The following RSRC1 variants were observed in gnomAD, a reference collection of about 807,000 sequenced individuals.
RSRC1 encodes arginine and serine rich coiled-coil 1.
In RSRC1, 39 loss-of-function variants were observed where a neutral mutation model predicts 49.1. That is an observed-to-expected ratio of 0.79 (90% CI 0.61 to 1.04). RSRC1 has a LOEUF of 1.04. RSRC1 is among the 50% of genes least tolerant of loss of function. The probability of loss-of-function intolerance (pLI) is 0.00; values close to 1 mark genes in which losing one functional copy is unlikely to be tolerated. For synonymous variants in RSRC1, 143 were observed against 130.8 expected, an observed-to-expected ratio of 1.09 and a Z score of -0.63; for missense variants, 388 against 402.4, an observed-to-expected ratio of 0.96 and a Z score of 0.31.
At position 158,509,792 on chromosome 3, in the gene RSRC1, T is replaced by C. The variant is rs1017029080; in HGVS notation, c.653-27300T>C. Among the ~76,000 whole-genome samples, 3 of 152,322 alleles carry C rather than the reference T, an allele frequency of 2.0e-5. No individual in the cohort carries two copies. In the South Asian group the frequency reaches 6.2e-4, roughly 32 times the overall value. ...TGTAGTTTATTCATTTTCACTGTTG[T>C]ATAATATTCTATTTTTAGACTGTAC... On this transcript the variant is annotated intron_variant, in intron 7 of 9. Transcript: ENST00000611884.
At chr3:158,485,632 A>G (rs942650032) in intron 7 of RSRC1, among the ~76,000 whole-genome samples, 2 of 152,222 alleles carry the variant, frequency 1.3e-5, no homozygotes, top group East Asian at 1.9e-4. Flanking sequence ...TTTTTCCTAC[A>G]TATGACACTG....
At chr3:158,222,846 C>T (rs1237059990) in intron 4 of RSRC1, among the ~76,000 whole-genome samples, 2 of 151,640 alleles carry the variant, frequency 1.3e-5, no homozygotes, top group African/African-American at 2.4e-5. Context: ...GTTCCTTCCT[C>T]TCCTGGATAA....
intron 6 of RSRC1, among the ~76,000 whole-genome samples, chr3:158,424,009 C>T (rs1029610043): frequency 2.7e-5 from 4 of 150,868 alleles, no homozygotes; most frequent in African/African-American, 9.8e-5. Context: ...ACAATCATGT[C>T]GTCTGCAAAC....
chr3:158,139,449 G>T (rs1011960400), intron 3 of RSRC1, among the ~76,000 whole-genome samples: 36 of 152,036 alleles, frequency 2.4e-4, no homozygotes, highest in Non-Finnish European at 1.0e-4. Context: ...TATCTTGTGG[G>T]TGCTGCAAGC....
chr3:158,249,257 C>G (rs1296956985), intron 4 of RSRC1, among the ~76,000 whole-genome samples: 2 of 152,140 alleles, frequency 1.3e-5, no homozygotes, highest in African/African-American at 4.8e-5. Context: ...CTCCATCACT[C>G]CTTTGTAATC....
chr3:158,154,585 C>T (rs1717747984), intron 3 of RSRC1, among the ~76,000 whole-genome samples: 2 of 151,842 alleles, frequency 1.3e-5, no homozygotes, highest in African/African-American at 4.8e-5. Flanking sequence ...CTGTCTCAGC[C>T]TCCTGAGTAG....
chr3:158,274,173 GT>G (rs1474858671), intron 4 of RSRC1, among the ~76,000 whole-genome samples: 1 of 152,034 alleles, frequency 6.6e-6, no homozygotes, highest in Non-Finnish European at 1.5e-5. Flanking sequence ...TGTTTTTAAT[GT>G]TTAGAAATAT....
intron 5 of RSRC1, among the ~76,000 whole-genome samples, chr3:158,327,628 T>G (rs1729243477): frequency 6.6e-6 from 1 of 152,142 alleles, no homozygotes; most frequent in Non-Finnish European, 1.5e-5. Context: ...CTTTTACATT[T>G]GCTGAGGAGT....
chr3:158,479,816 C>T (rs1480160101), intron 7 of RSRC1, among the ~76,000 whole-genome samples: 1 of 152,024 alleles, frequency 6.6e-6, no homozygotes. Flanking sequence ...CCATCATACC[C>T]TTAACATTGG....
chr3:158,479,794 A>G (rs1354746740), intron 7 of RSRC1, among the ~76,000 whole-genome samples: 1 of 152,056 alleles, frequency 6.6e-6, no homozygotes, highest in South Asian at 2.1e-4. Flanking sequence ...TTAAATGGCT[A>G]ATTTAACTGA....
In RSRC1 at chr3:158,387,480, TA is replaced by T. The variant is rs1194329797; in HGVS notation, c.583+32579del. 3.9e-5 allele frequency among the ~76,000 whole-genome samples: 6 copies of T among 152,158 alleles called. No individual in the cohort carries two copies. The South Asian group carries it at 6.2e-4, about 16-fold the overall frequency. ...AGAGTAGTTCCTTTAGCTTATTAAA[TA>T]AAAAAATTAAGTCAACTAGAATGCA... On this transcript the variant is annotated intron_variant, in intron 6 of 9. Transcript: ENST00000611884.
chr3:158,252,454 C>G (rs1166512027), intron 4 of RSRC1, among the ~76,000 whole-genome samples: 1 of 152,156 alleles, frequency 6.6e-6, no homozygotes, highest in Non-Finnish European at 1.5e-5. Flanking sequence ...CGTAAGCCAC[C>G]ACGCCCGGCC....
At chr3:158,212,057 T>C (rs1331276023) in intron 4 of RSRC1, among the ~76,000 whole-genome samples, 2 of 151,880 alleles carry the variant, frequency 1.3e-5, no homozygotes, top group South Asian at 2.1e-4. Flanking sequence ...TGAGTACCCT[T>C]GCAGTTAATT....
chr3:158,243,273 C>A (rs1302148888), intron 4 of RSRC1, among the ~76,000 whole-genome samples: 1 of 152,122 alleles, frequency 6.6e-6, no homozygotes, highest in Non-Finnish European at 1.5e-5. Context: ...ATATGGCTAG[C>A]CAGTTCTCCC....
Position 158,340,101 on chromosome 3 carries a change from C to G in RSRC1, c.532-14756C>G, listed in dbSNP as rs143700900. On this transcript the variant is annotated intron_variant, in intron 5 of 9. Transcript: ENST00000611884. Reference sequence around the variant, plus strand: ...AACTTGAATTGTATCTCCCATAATTCCCATGTGTTGTGGGAGGGATCCAGG... The same window carrying G: ...AACTTGAATTGTATCTCCCATAATTGCCATGTGTTGTGGGAGGGATCCAGG... Among the ~76,000 whole-genome samples, 367 of 152,190 alleles carry G rather than the reference C, an allele frequency of 2.4e-3. 3 individuals are homozygous for G. The highest frequency in any genetic ancestry group is 8.4e-3 in the African/African-American group (348 of 41,488).
intron 6 of RSRC1, among the ~76,000 whole-genome samples, chr3:158,393,840 G>C (rs1054480334): frequency 2.0e-5 from 3 of 151,950 alleles, no homozygotes. Flanking sequence ...AAACCTGCTA[G>C]AGACACAGCA....
chr3:158,276,978 C>T (rs1185007389), intron 4 of RSRC1, among the ~76,000 whole-genome samples: 1 of 151,924 alleles, frequency 6.6e-6, no homozygotes, highest in Non-Finnish European at 1.5e-5. Flanking sequence ...TGATTTAGAC[C>T]AGAGATCAGT....
At position 158,435,389 on chromosome 3, in the gene RSRC1, A is replaced by T. The variant is rs527360393; in HGVS notation, c.584-25546A>T. 2.6e-5 allele frequency among the ~76,000 whole-genome samples: 4 copies of T among 151,926 alleles called. No individual in the cohort carries two copies. In the East Asian group the frequency reaches 7.8e-4, roughly 30 times the overall value. On this transcript the variant is annotated intron_variant, in intron 6 of 9. Coordinates refer to ENST00000611884, the MANE Select transcript of RSRC1 (RefSeq NM_001271838.2). ...ATGTAATAAAAAGTACCTAATGTAA[A>T]AAAATAGAAAAAATAATTTATCCAG...
chr3:158,369,789 G>A (rs1203014156), intron 6 of RSRC1, among the ~76,000 whole-genome samples: 1 of 151,890 alleles, frequency 6.6e-6, no homozygotes, highest in African/African-American at 2.4e-5. Context: ...TTTGAATTTT[G>A]TTTAGCAAAA....
Sources: allele counts gnomAD v4.1 joint callset (sites outside exome capture counted in the v4.1 genomes callset), GRCh38; gene constraint gnomAD v4.1.1; transcripts MANE v1.5; gene names NCBI Gene and HGNC (gene_info 2026-07-23, HGNC 2026-07-21).